Variants in HNRNPC observed in about 807,000 individuals in gnomAD.
The protein encoded by HNRNPC is heterogeneous nuclear ribonucleoproteins C1/C2.
A neutral mutation model predicts 33.2 loss-of-function variants in HNRNPC; 3 were observed. That is an observed-to-expected ratio of 0.09 (90% confidence interval 0.04 to 0.23). The LOEUF (loss-of-function observed/expected upper bound fraction) is 0.23, where lower values mean the gene tolerates loss of function less well. HNRNPC is among the 10% of genes least tolerant of loss of function. The pLI, the probability that HNRNPC is intolerant of heterozygous loss-of-function variation, is 1.00. For synonymous variants in HNRNPC, 121 were observed against 126.7 expected (o/e 0.96, Z 0.30); for missense variants, 143 against 366.7 (o/e 0.39, Z 4.98).
At chr14:21,214,391 TAA>T (rs1371329470) in intron 5 of HNRNPC, among the ~76,000 whole-genome samples, 1 of 152,230 alleles carries the variant, frequency 6.6e-6, no homozygotes, top group Non-Finnish European at 1.5e-5. Context: ...TCTGTTAACT[TAA>T]AAGTGTTTCC....
chr14:21,257,840 C>A (rs1877491237), intron 2 of HNRNPC, among the ~76,000 whole-genome samples: 1 of 152,166 alleles, frequency 6.6e-6, no homozygotes, highest in African/African-American at 2.4e-5. Context: ...GGATTATAGG[C>A]ATAAACTGCT....
intron 7 of HNRNPC, 112 bp from the exon 8 acceptor site, chr14:21,211,678 T>C: frequency 7.1e-7 from 1 of 1,403,322 alleles, no homozygotes; most frequent in Non-Finnish European, 9.9e-7. Flanking sequence ...CCCACACAAA[T>C]ACCCTTCCCA....
intron 1 of HNRNPC, among the ~76,000 whole-genome samples, chr14:21,267,083 G>C (rs556657416): frequency 9.8e-6 from 1 of 102,516 alleles, no homozygotes; most frequent in African/African-American, 3.8e-5. Context: ...GCGACAGAGC[G>C]AGACTCCGTC....
At chr14:21,247,367 T>G (rs1896098763) in intron 2 of HNRNPC, among the ~76,000 whole-genome samples, 1 of 152,198 alleles carries the variant, frequency 6.6e-6, no homozygotes, top group Non-Finnish European at 1.5e-5. Flanking sequence ...GGACATAACC[T>G]CATGAGTCTC....
intron 2 of HNRNPC, among the ~76,000 whole-genome samples, chr14:21,248,576 C>T (rs4982436): frequency 0.34 from 52,233 of 151,952 alleles, 9,125 homozygotes; most frequent in Admixed American, 0.39. Flanking sequence ...CTGTTATTGG[C>T]ACATACCAAC....
intron 2 of HNRNPC, among the ~76,000 whole-genome samples, chr14:21,260,199 C>CA (rs539169114): frequency 0.03 from 2,838 of 94,946 alleles, 37 homozygotes; most frequent in African/African-American, 0.043. Flanking sequence ...GACTCCATCT[C>CA]AAAAAAAAAA....
rs921666223 is a variant in HNRNPC, at chr14:21,209,459, C to G, written c.*1764G>C. On this transcript the variant is annotated 3_prime_UTR_variant, in exon 9 of 9. Transcript: ENST00000553300. ...AAGCATCCAGTTTATTTTCTAGTCA[C>G]GGGTTACTTACTAAAAGTCTGTGTA... The G allele has an allele frequency of 6.6e-6, 1 of 152,156 alleles. No homozygotes were observed. Among genetic ancestry groups the G allele is most frequent in the African/African-American group, 2.4e-5 (1 of 41,430 alleles). 9.4% of individuals were successfully genotyped at this position (152,156 alleles called of 1,614,324 possible). A position where few individuals can be genotyped will look rare whatever the true frequency, so the allele number is the denominator to read the frequency against.
rs779124603 is a variant in HNRNPC, at chr14:21,213,124, G to C, written c.366-7C>G. ...TGCTGGGTAACTGTACATCCTATTGGATAAGAGGAAAATGGAATTCATTCA... is the reference window on the plus strand; with the variant it reads ...TGCTGGGTAACTGTACATCCTATTGCATAAGAGGAAAATGGAATTCATTCA... On this transcript the variant is annotated splice_region_variant and splice_polypyrimidine_tract_variant and intron_variant, in intron 5 of 8. Transcript: ENST00000553300. 6 of 1,612,550 alleles carry C rather than the reference G, an allele frequency of 3.7e-6. No individual in the cohort carries two copies. The Admixed American group carries it at 8.3e-5, about 22-fold the overall frequency.
chr14:21,227,993 C>T (rs1385740103), intron 5 of HNRNPC, among the ~76,000 whole-genome samples: 1 of 152,086 alleles, frequency 6.6e-6, no homozygotes, highest in Non-Finnish European at 1.5e-5. Flanking sequence ...TCTGACTGGA[C>T]AAAAGAACAC....
At chr14:21,268,737 G>C (rs964134055) in intron 1 of HNRNPC, 2 of 152,152 alleles carry the variant, frequency 1.3e-5, no homozygotes, top group African/African-American at 2.4e-5. Flanking sequence ...ACAAATGTAA[G>C]TGAAAATAAC....
At chr14:21,258,119 A>ACAGTGG (rs1261067127) in intron 2 of HNRNPC, among the ~76,000 whole-genome samples, 1 of 152,188 alleles carries the variant, frequency 6.6e-6, no homozygotes, top group East Asian at 1.9e-4. Context: ...TCAGCCGGAC[A>ACAGTGG]CAGTGGCTCA....
chr14:21,234,912 A>G (rs1222561645), intron 2 of HNRNPC: 1 of 152,198 alleles, frequency 6.6e-6, no homozygotes, highest in Non-Finnish European at 1.5e-5. Flanking sequence ...GACTGCAATG[A>G]CTCGAAGGCT....
Position 21,251,995 on chromosome 14 carries a change from A to T in HNRNPC, c.-37+11316T>A, listed in dbSNP as rs139982556. ...CAGCCCAGAATAATTTTTAACAAGG[A>T]TATTTGGCTTAAAGTTATTACAGTA... On this transcript the variant is annotated intron_variant, in intron 2 of 8. Coordinates refer to ENST00000553300, the MANE Select transcript of HNRNPC (RefSeq NM_004500.4). Among the ~76,000 whole-genome samples, 749 of 152,330 alleles carry T rather than the reference A, an allele frequency of 4.9e-3. 6 individuals are homozygous for T. The highest frequency in any genetic ancestry group is 0.017 in the African/African-American group (716 of 41,558).
Position 21,231,131 on chromosome 14 carries a change from A to G in HNRNPC, c.242-59T>C, listed in dbSNP as rs200172398. On this transcript the variant is annotated intron_variant, in intron 3 of 8. Coordinates refer to ENST00000553300, the MANE Select transcript of HNRNPC (RefSeq NM_004500.4). ...TTTGTATCCGGGTAAAACAAACTAC[A>G]AAGTTTATTTTTTTTATTTTTGAGA... is the stretch of plus-strand genomic sequence containing the variant. The G allele has an allele frequency of 3.0e-3, 4,571 of 1,510,280 alleles. 14 individuals are homozygous for G. The highest frequency in any genetic ancestry group is 3.3e-3 in the Non-Finnish European group (3,620 of 1,091,066). 93.6% of individuals were successfully genotyped at this position (1,510,280 alleles called of 1,614,324 possible). A position where few individuals can be genotyped will look rare whatever the true frequency, so the allele number is the denominator to read the frequency against.
At chr14:21,213,358 CAT>C (rs1891826033) in intron 5 of HNRNPC, 4 of 460,900 alleles carry the variant, frequency 8.7e-6, no homozygotes. Context: ...GAAAATAAAA[CAT>C]ATATCAAATT....
rs1366182965 is a variant in HNRNPC at position 21,236,005 on chromosome 14, C to A, written c.-36-1776G>T. 2.6e-5 allele frequency among the ~76,000 whole-genome samples: 4 copies of A among 152,114 alleles called. No homozygotes were observed. In the East Asian group the frequency reaches 7.7e-4, roughly 29 times the overall value. Reference sequence around the variant, plus strand: ...GAAAGGGGTACCCTTTGGAATAAGACAGAAATGGATTTAAATGACCATTTT... The same window carrying A: ...GAAAGGGGTACCCTTTGGAATAAGAAAGAAATGGATTTAAATGACCATTTT... On this transcript the variant is annotated intron_variant, in intron 2 of 8. Coordinates refer to ENST00000553300, the MANE Select transcript of HNRNPC (RefSeq NM_004500.4).
chr14:21,215,241 A>G (rs1262378980), intron 5 of HNRNPC, among the ~76,000 whole-genome samples: 2 of 152,254 alleles, frequency 1.3e-5, no homozygotes, highest in Non-Finnish European at 2.9e-5. Context: ...CTGAGGAAGT[A>G]GTCCTTGCCT....
chr14:21,239,877 A>G (rs1339887623), intron 2 of HNRNPC, among the ~76,000 whole-genome samples: 1 of 152,162 alleles, frequency 6.6e-6, no homozygotes, highest in Admixed American at 6.5e-5. Context: ...GGGTCTCAAG[A>G]GAGAAAAAGG....
At chr14:21,223,395 G>C (rs1265328859) in intron 5 of HNRNPC, among the ~76,000 whole-genome samples, 1 of 152,004 alleles carries the variant, frequency 6.6e-6, no homozygotes, top group Admixed American at 6.6e-5. Context: ...CCTACTAAAC[G>C]AGTCTAGGAC....
Sources: gnomAD v4.1 joint callset for allele counts (sites outside exome capture counted in the v4.1 genomes callset) on GRCh38, gnomAD v4.1.1 for gene constraint, MANE v1.5 for transcripts, NCBI Gene and HGNC (gene_info 2026-07-23, HGNC 2026-07-21) for gene names.